The following EP300 variants were observed in gnomAD, a reference collection of about 807,000 sequenced individuals.
EP300 encodes the protein EP300 lysine acetyltransferase.
EP300 carries 31 observed loss-of-function variants against 264.0 expected under a neutral mutation model. The observed-to-expected ratio is 0.12, with a 90% CI of 0.09 to 0.16. EP300 has a LOEUF of 0.16. EP300 is among the 10% of genes least tolerant of loss of function. The pLI is 1.00. For synonymous variants in EP300, 1,340 were observed against 1,045.4 expected (o/e 1.28, Z -5.44); for missense variants, 2,766 against 3,052.9 (o/e 0.91, Z 2.21).
At chr22:41,167,505 T>A (rs1414719235) in intron 23 of EP300, among the ~76,000 whole-genome samples, 1 of 149,486 alleles carries the variant, frequency 6.7e-6, no homozygotes, top group East Asian at 1.9e-4. Context: ...TTCGTTACTT[T>A]AAAATATTAC....
chr22:41,136,470 C>CA (rs1426823570), intron 7 of EP300, among the ~76,000 whole-genome samples: 1 of 152,136 alleles, frequency 6.6e-6, no homozygotes, highest in African/African-American at 2.4e-5. Context: ...CCAGCCTGGG[C>CA]AATATGTCAA....
In EP300 at chr22:41,155,227, A is replaced by AT. The variant is rs878898787; in HGVS notation, c.3261+126dup. On this transcript the variant is annotated intron_variant, in intron 17 of 30. Coordinates refer to ENST00000263253, the MANE Select transcript of EP300 (RefSeq NM_001429.4). The stretch of plus-strand genomic sequence containing the variant: ...CTCATTTCAAATTTGTAATTCAGTG[A>AT]TTTTTTTTTTTTCCCCCTGAGACAG... The AT allele has an allele frequency of 0.031, 23,036 of 735,752 alleles. 319 individuals carry two copies. Among genetic ancestry groups the AT allele is most frequent in the African/African-American group, 0.13 (7,066 of 55,124 alleles). The allele number at this position is 735,752 out of a possible 1,614,324, so 45.6% of individuals were successfully genotyped here.
At chr22:41,104,124 T>G (rs938810238) in intron 1 of EP300, among the ~76,000 whole-genome samples, 1 of 152,180 alleles carries the variant, frequency 6.6e-6, no homozygotes, top group Non-Finnish European at 1.5e-5. Context: ...CCATCTAGGA[T>G]TCCCTGTAGG....
At chr22:41,124,938 T>TTTTG (rs900888460) in intron 2 of EP300, among the ~76,000 whole-genome samples, 121 of 152,146 alleles carry the variant, frequency 8.0e-4, no homozygotes, top group African/African-American at 2.9e-3. Context: ...AGTGGGTTTT[T>TTTTG]TTTGTTTGTT....
At chr22:41,122,157 CTTTTTTTTTTTTTTTT>C (rs71328774) in intron 2 of EP300, among the ~76,000 whole-genome samples, 1 of 35,854 alleles carries the variant, frequency 2.8e-5, no homozygotes, top group Non-Finnish European at 6.6e-5. Context: ...TCTTCTTCTT[CTTTTTTTTTTTTTTTT>C]TTTTTTTTGG....
chr22:41,126,206 T>G, intron 3 of EP300, 166 bp downstream of exon 3: 1 of 685,314 alleles, frequency 1.5e-6, no homozygotes, highest in Non-Finnish European at 2.5e-6. Context: ...TTCCTTTCCA[T>G]TTCTCTGTTT....
chr22:41,135,855 C>T lies in EP300; in HGVS notation c.1571C>T (p.Thr524Met), dbSNP rs1452596865. Reference protein sequence around the residue: ...MGVNGGVGVQTPSLLSDSMLH... With the variant: ...MGVNGGVGVQMPSLLSDSMLH... ...GTAAATGGAGGTGTAGGAGTTCAAACGCCGAGTCTTCTTTCTGACTCAATG... is the reference window on the plus strand; with the variant it reads ...GTAAATGGAGGTGTAGGAGTTCAAATGCCGAGTCTTCTTTCTGACTCAATG... The change falls in exon 7 of 31, where the codon ACG becomes ATG. Residue 524 changes from threonine to methionine, a missense_variant. Physicochemically the swap from Thr to Met is moderately conservative, Grantham distance 81. Coordinates refer to ENST00000263253, the MANE Select transcript of EP300 (RefSeq NM_001429.4). 19 of 1,614,076 alleles carry T rather than the reference C, an allele frequency of 1.2e-5. No individual in the cohort carries two copies. The highest frequency in any genetic ancestry group is 1.6e-5 in the Non-Finnish European group (19 of 1,180,000).
chr22:41,178,935 G>A lies in EP300; in HGVS notation c.7224G>A (p.Gln2408=), dbSNP rs2145524889. 6.2e-7 allele frequency: 1 copy of A among 1,614,024 alleles called. No homozygotes were observed. The highest frequency in any genetic ancestry group is 8.5e-7 in the Non-Finnish European group (1 of 1,180,032). ...CAGACTTGAATTCAAACCTCTCACA[G>A]AGTACACTAGACATACACTAGAGAC... is the stretch of plus-strand genomic sequence containing the variant. ...DNSDLNSNLS[Q]STLDIH is the part of the protein sequence containing the mutation. Residue 2408 remains glutamine (Q), a synonymous_variant, in exon 31 of 31, where the codon CAG becomes CAA. Coordinates refer to ENST00000263253, the MANE Select transcript of EP300 (RefSeq NM_001429.4).
intron 1 of EP300, among the ~76,000 whole-genome samples, chr22:41,112,054 A>C (rs2058794926): frequency 6.7e-6 from 1 of 149,562 alleles, no homozygotes; most frequent in Non-Finnish European, 1.5e-5. Context: ...CGCCCAGCTA[A>C]TTTTTTGTAT....
chr22:41,121,841 G>T, intron 2 of EP300, among the ~76,000 whole-genome samples: 1 of 152,078 alleles, frequency 6.6e-6, no homozygotes, highest in Non-Finnish European at 1.5e-5. Flanking sequence ...ATAATTTATT[G>T]TCTTAGTCTT....
At chr22:41,111,967 A>G (rs1275324064) in intron 1 of EP300, among the ~76,000 whole-genome samples, 1 of 126,310 alleles carries the variant, frequency 7.9e-6, no homozygotes, top group Admixed American at 1.1e-4. Context: ...CACTCACTGC[A>G]AGCTCCGCCT....
At position 41,177,657 on chromosome 22, in the gene EP300, A is replaced by G. The variant is rs2059209646; in HGVS notation, c.5946A>G (p.Pro1982=). Residue 1982 remains proline, a synonymous_variant, in exon 31 of 31, where the codon CCA becomes CCG. Coordinates refer to ENST00000263253, the MANE Select transcript of EP300 (RefSeq NM_001429.4). ...MTRGPSGHLE[P]GMGPTGMQQQ... The stretch of plus-strand genomic sequence containing the variant: ...GAGGTCCCAGTGGGCATTTGGAGCC[A>G]GGGATGGGACCGACAGGGATGCAGC... The G allele has an allele frequency of 1.9e-6, 3 of 1,614,038 alleles. No homozygotes were observed. In the East Asian group the frequency reaches 6.7e-5, roughly 36 times the overall value.
chr22:41,117,143 G>T, intron 1 of EP300, 44 bp from the exon 2 acceptor site: 1 of 1,555,298 alleles, frequency 6.4e-7, no homozygotes, highest in Non-Finnish European at 8.9e-7. Context: ...TTTTTATTTT[G>T]GTTTTGTCAT....
At chr22:41,097,440 CTTTA>C (rs57212645) in intron 1 of EP300, among the ~76,000 whole-genome samples, 6,571 of 151,964 alleles carry the variant, frequency 0.043, 417 homozygotes, top group East Asian at 0.21. Flanking sequence ...TCTCTCTCTT[CTTTA>C]TTTAATAAAA....
intron 10 of EP300, among the ~76,000 whole-genome samples, chr22:41,142,638 C>G (rs1457274930): frequency 2.0e-5 from 3 of 152,114 alleles, no homozygotes; most frequent in Non-Finnish European, 4.4e-5. Context: ...GTACTCCCAG[C>G]ACTTTGGGAG....
At chr22:41,121,723 G>A (rs1423602871) in intron 2 of EP300, among the ~76,000 whole-genome samples, 1 of 152,198 alleles carries the variant, frequency 6.6e-6, no homozygotes, top group Non-Finnish European at 1.5e-5. Context: ...GGACCAGATT[G>A]TTTGGGGAAA....
At chr22:41,132,372 C>CT (rs1157240248) in intron 6 of EP300, among the ~76,000 whole-genome samples, 1 of 138,514 alleles carries the variant, frequency 7.2e-6, no homozygotes. Flanking sequence ...ACTGCAACCT[C>CT]TGCCTCCCGG....
intron 1 of EP300, among the ~76,000 whole-genome samples, chr22:41,097,440 CTTTAT>C (rs2058708399): frequency 6.6e-6 from 1 of 151,870 alleles, no homozygotes; most frequent in South Asian, 2.1e-4. Context: ...TCTCTCTCTT[CTTTAT>C]TTAATAAAAA....
At position 41,170,567 on chromosome 22, in the gene EP300, A is replaced by C. The variant is rs757248482; in HGVS notation, c.4448A>C (p.Tyr1483Ser). Residue 1483 changes from tyrosine to serine, a missense_variant, in exon 27 of 31, where the codon TAC becomes TCC. Coordinates refer to ENST00000263253, the MANE Select transcript of EP300 (RefSeq NM_001429.4). Reference protein sequence around the residue: ...KAVSERIVHDYKDIFKQATED... With the variant: ...KAVSERIVHDSKDIFKQATED... ...GTATCAGAGCGTATTGTCCATGACT[A>C]CAAGGTCAGTTGGGACATAGGGGCC... 1 of 1,613,982 alleles carries C rather than the reference A, an allele frequency of 6.2e-7. No homozygotes were observed. Among genetic ancestry groups the C allele is most frequent in the Admixed American group, 1.7e-5 (1 of 60,012 alleles).
Sources: allele counts gnomAD v4.1 joint callset (sites outside exome capture counted in the v4.1 genomes callset), GRCh38; gene constraint gnomAD v4.1.1; transcripts MANE v1.5; gene names NCBI Gene and HGNC (gene_info 2026-07-23, HGNC 2026-07-21).